The following PDGFC variants were observed in gnomAD, a reference collection of about 807,000 sequenced individuals.
PDGFC encodes platelet-derived growth factor C.
A neutral mutation model predicts 35.5 loss-of-function variants in PDGFC; 12 were observed. That is an observed-to-expected ratio of 0.34 (90% CI 0.22 to 0.55). PDGFC has a LOEUF of 0.55. Among genes scored for constraint, PDGFC ranks in the 20% least tolerant of loss-of-function variants. The probability of loss-of-function intolerance (pLI) is 0.91; values close to 1 mark genes in which losing one functional copy is unlikely to be tolerated. For missense variants in PDGFC, 322 were observed against 412.4 expected (o/e 0.78, Z 1.90); for synonymous variants, 159 against 148.8 (o/e 1.07, Z -0.50).
intron 2 of PDGFC, among the ~76,000 whole-genome samples, chr4:156,844,274 A>C (rs1729272931): frequency 6.6e-6 from 1 of 152,194 alleles, no homozygotes; most frequent in Non-Finnish European, 1.5e-5. Flanking sequence ...TTGGCTTTAG[A>C]TATTTTTAAG....
intron 1 of PDGFC, among the ~76,000 whole-genome samples, chr4:156,857,916 T>C (rs1200336062): frequency 6.6e-6 from 1 of 152,066 alleles, no homozygotes; most frequent in Non-Finnish European, 1.5e-5. Flanking sequence ...AAAATGCAGC[T>C]AGATCCGATC....
rs1553975816 is a variant in PDGFC, at chr4:156,903,125, G to GTGT, written c.119-52712_119-52710dup. The stretch of plus-strand genomic sequence containing the variant: ...AGAGAGTGTGTGTGTGTGTGTGTGT[G>GTGT]TGTGTGTATAAACTAGATCACATAT... On this transcript the variant is annotated intron_variant, in intron 1 of 5. Coordinates refer to ENST00000502773, the MANE Select transcript of PDGFC (RefSeq NM_016205.3). Among the ~76,000 whole-genome samples, 200 of 150,724 alleles carry GTGT rather than the reference G, an allele frequency of 1.3e-3. 2 individuals are homozygous for GTGT. Among genetic ancestry groups the GTGT allele is most frequent in the Non-Finnish European group, 2.1e-3 (144 of 67,694 alleles).
rs935143938 is a variant in PDGFC at position 156,775,714 on chromosome 4, T to C, written c.496-2821A>G. 5.9e-5 allele frequency among the ~76,000 whole-genome samples: 9 copies of C among 152,228 alleles called. No individual in the cohort carries two copies. In the East Asian group the frequency reaches 1.5e-3, roughly 26 times the overall value. ...GATGCACACCTTAGGTCCAGTGAAG[T>C]ATCTGCAATCTGCATACCCATCCCT... On this transcript the variant is annotated intron_variant, in intron 3 of 5. Transcript: ENST00000502773.
intron 1 of PDGFC, among the ~76,000 whole-genome samples, chr4:156,904,857 A>G (rs894270469): frequency 2.0e-5 from 3 of 152,176 alleles, no homozygotes; most frequent in Admixed American, 2.0e-4. Context: ...ACTGCAAAGT[A>G]AGGCTCAGTG....
At chr4:156,950,817 G>GA (rs1320831243) in intron 1 of PDGFC, among the ~76,000 whole-genome samples, 1 of 151,586 alleles carries the variant, frequency 6.6e-6, no homozygotes, top group Non-Finnish European at 1.5e-5. Flanking sequence ...AAATAAATAA[G>GA]AAAAAAATTC....
At chr4:156,846,581 G>C (rs1323522618) in intron 2 of PDGFC, among the ~76,000 whole-genome samples, 1 of 151,650 alleles carries the variant, frequency 6.6e-6, no homozygotes, top group Non-Finnish European at 1.5e-5. Flanking sequence ...TGTTTTATTA[G>C]ATCAAAAAGA....
chr4:156,832,925 C>T (rs1728980503), intron 2 of PDGFC, among the ~76,000 whole-genome samples: 1 of 152,132 alleles, frequency 6.6e-6, no homozygotes, highest in African/African-American at 2.4e-5. Context: ...AAATGTAATC[C>T]ATTTAATTCT....
chr4:156,824,285 C>CATATATATATAT (rs58698115), intron 2 of PDGFC, among the ~76,000 whole-genome samples: 70 of 92,778 alleles, frequency 7.5e-4, no homozygotes, highest in Non-Finnish European at 9.0e-4. Flanking sequence ...ACAATGTAAG[C>CATATATATATAT]ATATATATAT....
At chr4:156,845,843 T>C (rs1729313677) in intron 2 of PDGFC, among the ~76,000 whole-genome samples, 3 of 151,846 alleles carry the variant, frequency 2.0e-5, no homozygotes, top group East Asian at 3.8e-4. Flanking sequence ...TTTGAAAACA[T>C]TATTCTTTAA....
intron 3 of PDGFC, among the ~76,000 whole-genome samples, chr4:156,799,491 T>C (rs1731538313): frequency 6.6e-6 from 1 of 152,216 alleles, no homozygotes; most frequent in Non-Finnish European, 1.5e-5. Context: ...ACAGATTGCA[T>C]AATTTCAAAC....
rs542222975 is a variant in PDGFC, at chr4:156,760,984, G to A, written c.*2106C>T. The stretch of plus-strand genomic sequence containing the variant: ...ATAGGACAAAACCAGGAAAAGGTAA[G>A]GAAGTAAGACAGAACACATAGGCTC... On this transcript the variant is annotated 3_prime_UTR_variant, in exon 6 of 6. Coordinates refer to ENST00000502773, the MANE Select transcript of PDGFC (RefSeq NM_016205.3). 2.0e-5 allele frequency: 3 copies of A among 152,152 alleles called. No homozygotes were observed. Among genetic ancestry groups the A allele is most frequent in the African/African-American group, 7.2e-5 (3 of 41,502 alleles). The allele number at this position is 152,152 out of a possible 1,614,324, so 9.4% of individuals were successfully genotyped here.
At chr4:156,875,791 G>A (rs1026422223) in intron 1 of PDGFC, among the ~76,000 whole-genome samples, 6 of 152,190 alleles carry the variant, frequency 3.9e-5, no homozygotes, top group African/African-American at 1.2e-4. Flanking sequence ...GGTGCTGCAC[G>A]CCTGTAATCT....
intron 1 of PDGFC, among the ~76,000 whole-genome samples, chr4:156,869,638 T>G (rs963510659): frequency 5.9e-5 from 9 of 152,184 alleles, no homozygotes; most frequent in African/African-American, 2.2e-4. Flanking sequence ...TACATTTGTG[T>G]ACCACTGGAT....
chr4:156,889,493 A>G (rs1730452443), intron 1 of PDGFC, among the ~76,000 whole-genome samples: 1 of 152,204 alleles, frequency 6.6e-6, no homozygotes, highest in African/African-American at 2.4e-5. Context: ...TGGGATTCCA[A>G]TTTGGGTCAC....
rs116780087 is a variant in PDGFC, at chr4:156,837,952, A to G, written c.314+12269T>C. ...AGACTTGGTCAGATCCCCACCCTCT[A>G]TTTTAAGCCCTCTTGGGAATGATTT... On this transcript the variant is annotated intron_variant, in intron 2 of 5. Transcript: ENST00000502773. Among the ~76,000 whole-genome samples, 300 of 151,978 alleles carry G rather than the reference A, an allele frequency of 2.0e-3. 1 individual carries two copies. Among genetic ancestry groups the G allele is most frequent in the African/African-American group, 6.9e-3 (284 of 41,302 alleles).
intron 1 of PDGFC, chr4:156,886,840 A>G (rs1730388019): frequency 6.6e-6 from 1 of 152,230 alleles, no homozygotes; most frequent in Non-Finnish European, 1.5e-5. Context: ...GACAGGAAAA[A>G]ATAAAAGATT....
At chr4:156,945,018 T>TCGGTGA (rs1731904561) in intron 1 of PDGFC, among the ~76,000 whole-genome samples, 1 of 151,936 alleles carries the variant, frequency 6.6e-6, no homozygotes, top group Admixed American at 6.6e-5. Flanking sequence ...CAGTCAGCCC[T>TCGGTGA]CGGTGACTTA....
chr4:156,914,971 A>G (rs938151427), intron 1 of PDGFC, among the ~76,000 whole-genome samples: 1 of 152,178 alleles, frequency 6.6e-6, no homozygotes, highest in African/African-American at 2.4e-5. Flanking sequence ...GTAGTAAATT[A>G]GCATCTTAAT....
chr4:156,941,403 C>G (rs1006679596), intron 1 of PDGFC, among the ~76,000 whole-genome samples: 1 of 152,100 alleles, frequency 6.6e-6, no homozygotes, highest in Non-Finnish European at 1.5e-5. Flanking sequence ...GTTATTGCCT[C>G]TCCACAAACT....
Sources: gnomAD v4.1 joint callset for allele counts (sites outside exome capture counted in the v4.1 genomes callset) on GRCh38, gnomAD v4.1.1 for gene constraint, MANE v1.5 for transcripts, NCBI Gene and HGNC (gene_info 2026-07-23, HGNC 2026-07-21) for gene names.